Variants in ZFPM2 observed in about 807,000 individuals in gnomAD.
ZFPM2 encodes the protein zinc finger protein, FOG family member 2.
A neutral mutation model predicts 98.6 loss-of-function variants in ZFPM2; 20 were observed. The observed-to-expected ratio is 0.20, with a 90% CI of 0.14 to 0.29. The LOEUF (loss-of-function observed/expected upper bound fraction) is 0.29. Ranked by LOEUF, ZFPM2 falls within the 10% of genes least tolerant of loss-of-function variation. The probability of loss-of-function intolerance (pLI) is 1.00; values close to 1 mark genes in which losing one functional copy is unlikely to be tolerated. For missense variants in ZFPM2, 1,310 were observed against 1,388.6 expected (o/e 0.94, Z 0.90); for synonymous variants, 518 against 502.7 (o/e 1.03, Z -0.41).
chr8:105,563,209 C>T (rs1222031191), intron 4 of ZFPM2, among the ~76,000 whole-genome samples: 1 of 152,120 alleles, frequency 6.6e-6, no homozygotes, highest in Non-Finnish European at 1.5e-5. Context: ...GAAGGAAATC[C>T]CTTCTTCAAG....
chr8:105,804,257 A>G lies in ZFPM2; in HGVS notation c.*719A>G, dbSNP rs2131185876. The G allele has an allele frequency of 6.5e-6, 1 of 152,750 alleles. No individual in the cohort carries two copies. Among genetic ancestry groups the G allele is most frequent in the South Asian group, 2.1e-4 (1 of 4,826 alleles). The allele number at this position is 152,750 out of a possible 1,614,324, so 9.5% of individuals were successfully genotyped here. On this transcript the variant is annotated 3_prime_UTR_variant, in exon 8 of 8. Coordinates refer to ENST00000407775, the MANE Select transcript of ZFPM2 (RefSeq NM_012082.4). ...TTAAACCTTTGCTGTTAAATGCAAT[A>G]CTTTATAAAGAATGAACAAAATTAC...
intron 5 of ZFPM2, among the ~76,000 whole-genome samples, chr8:105,654,959 C>A (rs1438702078): frequency 1.3e-5 from 2 of 152,126 alleles, no homozygotes; most frequent in African/African-American, 2.4e-5. Context: ...TGGCTTTCAA[C>A]TACATGAAGC....
intron 5 of ZFPM2, among the ~76,000 whole-genome samples, chr8:105,692,464 CATT>C (rs987914658): frequency 6.6e-6 from 1 of 152,216 alleles, no homozygotes; most frequent in Admixed American, 6.5e-5. Context: ...GATTCAGTTG[CATT>C]ATTATTATTT....
chr8:105,536,718 G>C (rs73306210), intron 3 of ZFPM2, among the ~76,000 whole-genome samples: 128 of 152,272 alleles, frequency 8.4e-4, no homozygotes, highest in Middle Eastern at 3.4e-3. Flanking sequence ...GTGCTAGGGA[G>C]ACTTGTATGA....
chr8:105,554,576 C>T (rs1814941263), intron 3 of ZFPM2, among the ~76,000 whole-genome samples: 1 of 152,068 alleles, frequency 6.6e-6, no homozygotes, highest in Non-Finnish European at 1.5e-5. Flanking sequence ...TATACTATGG[C>T]CTGATAAATA....
intron 3 of ZFPM2, among the ~76,000 whole-genome samples, chr8:105,513,659 C>T (rs1366727795): frequency 1.3e-5 from 2 of 152,142 alleles, no homozygotes. Flanking sequence ...TTTCTTTGTG[C>T]CTGCATTCTT....
chr8:105,724,700 A>G (rs908576642), intron 5 of ZFPM2, among the ~76,000 whole-genome samples: 4 of 151,860 alleles, frequency 2.6e-5, no homozygotes. Flanking sequence ...AAATTTCTCT[A>G]GACTGTGAAT....
At chr8:105,538,204 T>C (rs1347988304) in intron 3 of ZFPM2, among the ~76,000 whole-genome samples, 1 of 152,186 alleles carries the variant, frequency 6.6e-6, no homozygotes, top group African/African-American at 2.4e-5. Flanking sequence ...GGGCAAGTTA[T>C]TTATTTTCCT....
chr8:105,794,143 A>G (rs1275897732), intron 6 of ZFPM2, among the ~76,000 whole-genome samples: 1 of 151,978 alleles, frequency 6.6e-6, no homozygotes, highest in Non-Finnish European at 1.5e-5. Flanking sequence ...GGAGGAGGAG[A>G]GGTGCTCTGC....
At chr8:105,683,167 G>A (rs1810649220) in intron 5 of ZFPM2, among the ~76,000 whole-genome samples, 1 of 151,934 alleles carries the variant, frequency 6.6e-6, no homozygotes, top group Non-Finnish European at 1.5e-5. Flanking sequence ...CTATTACTTT[G>A]GGGGCTAGGA....
intron 3 of ZFPM2, among the ~76,000 whole-genome samples, chr8:105,510,000 A>G (rs904453055): frequency 6.6e-6 from 1 of 151,230 alleles, no homozygotes; most frequent in Non-Finnish European, 1.5e-5. Flanking sequence ...TGTCGTGGTC[A>G]TCTACACATC....
At chr8:105,352,907 T>C (rs377326183) in intron 1 of ZFPM2, among the ~76,000 whole-genome samples, 3 of 152,306 alleles carry the variant, frequency 2.0e-5, no homozygotes, top group East Asian at 3.9e-4. Flanking sequence ...ACCAGTCAGT[T>C]ACAGTGAGAG....
intron 6 of ZFPM2, among the ~76,000 whole-genome samples, chr8:105,791,143 G>A (rs1280186471): frequency 2.6e-5 from 4 of 152,182 alleles, no homozygotes; most frequent in African/African-American, 9.7e-5. Flanking sequence ...TAGGAGTGGT[G>A]AGACAGGGCA....
intron 4 of ZFPM2, among the ~76,000 whole-genome samples, chr8:105,621,388 C>T (rs1816541877): frequency 6.6e-6 from 1 of 152,282 alleles, no homozygotes; most frequent in African/African-American, 2.4e-5. Flanking sequence ...TATCGTGAGA[C>T]TTTGCTGAAG....
Position 105,802,439 on chromosome 8 carries a change from C to T in ZFPM2, c.2357C>T (p.Pro786Leu), listed in dbSNP as rs1814057082. ...PTEGLGECYH[P>L]RCDIFPGIVS... is the part of the protein sequence containing the mutation. ...GAAGGGCTAGGAGAGTGCTACCACC[C>T]AAGATGTGATATCTTTCCAGGAATT... Residue 786 changes from proline to leucine, a missense_variant, in exon 8 of 8, where the codon CCA (proline) becomes CTA (leucine). Coordinates refer to ENST00000407775, the MANE Select transcript of ZFPM2 (RefSeq NM_012082.4). 1.2e-6 allele frequency: 2 copies of T among 1,613,766 alleles called. No homozygotes were observed. The highest frequency in any genetic ancestry group is 8.5e-7 in the Non-Finnish European group (1 of 1,179,844).
At chr8:105,385,009 G>A (rs180826595) in intron 1 of ZFPM2, among the ~76,000 whole-genome samples, 25 of 152,200 alleles carry the variant, frequency 1.6e-4, no homozygotes, top group Admixed American at 1.4e-3. Context: ...CTGTTTTATC[G>A]ATGATTAAAC....
At chr8:105,516,269 C>G (rs535514518) in intron 3 of ZFPM2, among the ~76,000 whole-genome samples, 1 of 152,148 alleles carries the variant, frequency 6.6e-6, no homozygotes, top group African/African-American at 2.4e-5. Context: ...CTGTCTGTTA[C>G]CCCCCTTGAG....
intron 5 of ZFPM2, among the ~76,000 whole-genome samples, chr8:105,660,594 A>T (rs1457897697): frequency 3.9e-5 from 6 of 152,218 alleles, no homozygotes; most frequent in African/African-American, 1.2e-4. Flanking sequence ...TGCGTATATG[A>T]ATATCTATAT....
chr8:105,394,733 A>G lies in ZFPM2; in HGVS notation c.41-24411A>G, dbSNP rs1390032246. On this transcript the variant is annotated intron_variant, in intron 1 of 7. Transcript: ENST00000407775. ...AGCTTGGCACAGCTCCTTGTCTCAC[A>G]GACAGTGAAGAACATGCCTTTTCCA... Among the ~76,000 whole-genome samples, 3 of 152,348 alleles carry G rather than the reference A, an allele frequency of 2.0e-5. No individual in the cohort carries two copies. The East Asian group carries it at 5.8e-4, about 29-fold the overall frequency.
Sources: allele counts gnomAD v4.1 joint callset (sites outside exome capture counted in the v4.1 genomes callset), GRCh38; gene constraint gnomAD v4.1.1; transcripts MANE v1.5; gene names NCBI Gene and HGNC (gene_info 2026-07-23, HGNC 2026-07-21).